Variants in CWC27 observed in about 807,000 individuals in gnomAD.
CWC27 encodes the protein spliceosome-associated protein CWC27 homolog.
A neutral mutation model predicts 63.6 loss-of-function variants in CWC27; 47 were observed. That is an observed-to-expected ratio of 0.74 (90% CI 0.58 to 0.94). The LOEUF (loss-of-function observed/expected upper bound fraction) is 0.94, where lower values mean the gene tolerates loss of function less well. Among genes scored for constraint, CWC27 ranks in the 40% least tolerant of loss-of-function variants. CWC27 has a pLI of 0.00. For synonymous variants in CWC27, 175 were observed against 179.8 expected, an observed-to-expected ratio of 0.97 and a Z score of 0.22; for missense variants, 495 against 554.3, an observed-to-expected ratio of 0.89 and a Z score of 1.07.
At chr5:64,824,728 C>CTTTTTTTTTTTTTTT (rs768576527) in intron 10 of CWC27, among the ~76,000 whole-genome samples, 2 of 91,984 alleles carry the variant, frequency 2.2e-5, no homozygotes, top group African/African-American at 4.4e-5. Context: ...TTTCTTTTCT[C>CTTTTTTTTTTTTTTT]TTTTTTTTTT....
chr5:64,937,847 A>G (rs1285940694), intron 11 of CWC27, among the ~76,000 whole-genome samples: 1 of 149,982 alleles, frequency 6.7e-6, no homozygotes, highest in East Asian at 1.9e-4. Context: ...CCATTATATA[A>G]TGCCCTTCTT....
intron 10 of CWC27, among the ~76,000 whole-genome samples, chr5:64,840,360 AT>A (rs144426140): frequency 0.21 from 8,686 of 40,626 alleles, 1,710 homozygotes; most frequent in East Asian, 0.34. Flanking sequence ...ATCCTTTTTC[AT>A]TAAAAAAAAA....
intron 11 of CWC27, among the ~76,000 whole-genome samples, chr5:64,937,921 C>CTTTTTTTTTTTTTT (rs1211082437): frequency 3.0e-5 from 3 of 99,320 alleles, no homozygotes; most frequent in African/African-American, 1.3e-4. Flanking sequence ...GCAATCTCTG[C>CTTTTTTTTTTTTTT]TTTTTTTTTT....
At chr5:64,825,140 A>G (rs1243737239) in intron 10 of CWC27, among the ~76,000 whole-genome samples, 1 of 152,202 alleles carries the variant, frequency 6.6e-6, no homozygotes, top group Non-Finnish European at 1.5e-5. Context: ...ATGTTTTCCC[A>G]AAAGCTACAG....
At chr5:64,795,005 C>T (rs140562452) in intron 7 of CWC27, among the ~76,000 whole-genome samples, 19 of 152,258 alleles carry the variant, frequency 1.2e-4, no homozygotes, top group African/African-American at 4.3e-4. Context: ...TCCTACAAGA[C>T]GTAGTAACAT....
chr5:64,965,535 G>A (rs1370256663), intron 11 of CWC27, among the ~76,000 whole-genome samples: 2 of 152,164 alleles, frequency 1.3e-5, no homozygotes, highest in African/African-American at 2.4e-5. Context: ...ATAAACAGGG[G>A]TAGATGGAAA....
At chr5:64,901,682 C>T (rs749371732) in intron 11 of CWC27, among the ~76,000 whole-genome samples, 1 of 152,016 alleles carries the variant, frequency 6.6e-6, no homozygotes, top group Admixed American at 6.6e-5. Context: ...ATAACAACTT[C>T]GGCTTACTGT....
At chr5:64,832,012 C>T (rs977016768) in intron 10 of CWC27, among the ~76,000 whole-genome samples, 10 of 151,744 alleles carry the variant, frequency 6.6e-5, no homozygotes, top group African/African-American at 2.4e-4. Flanking sequence ...TGTGGTTATT[C>T]TTTTTTTAAT....
chr5:64,950,880 C>CAT (rs1748693372), intron 11 of CWC27, among the ~76,000 whole-genome samples: 1 of 152,044 alleles, frequency 6.6e-6, no homozygotes, highest in East Asian at 1.9e-4. Context: ...TGAATGGTGT[C>CAT]ATACAATGTG....
At chr5:64,999,875 A>G (rs1749700935) in intron 13 of CWC27, among the ~76,000 whole-genome samples, 1 of 152,056 alleles carries the variant, frequency 6.6e-6, no homozygotes, top group African/African-American at 2.4e-5. Context: ...GCTGGGTCAT[A>G]TGGTAGCTCT....
intron 11 of CWC27, among the ~76,000 whole-genome samples, chr5:64,942,971 G>T (rs1020557993): frequency 2.0e-5 from 3 of 152,138 alleles, no homozygotes; most frequent in Admixed American, 1.3e-4. Flanking sequence ...AATGATATCT[G>T]CTAAAATGAA....
chr5:64,918,918 G>A (rs6885916), intron 11 of CWC27, among the ~76,000 whole-genome samples: 4,108 of 152,144 alleles, frequency 0.027, 156 homozygotes, highest in African/African-American at 0.084. Context: ...CCATTCTTCC[G>A]GAGTTTATAA....
intron 11 of CWC27, among the ~76,000 whole-genome samples, chr5:64,937,487 T>C (rs1353529347): frequency 6.6e-6 from 1 of 152,218 alleles, no homozygotes; most frequent in Non-Finnish European, 1.5e-5. Flanking sequence ...TTCTTTTGCA[T>C]TTGCTGAGGA....
At chr5:64,893,674 C>T (rs1191023401) in intron 11 of CWC27, among the ~76,000 whole-genome samples, 1 of 152,044 alleles carries the variant, frequency 6.6e-6, no homozygotes, top group East Asian at 1.9e-4. Context: ...TAACAAGATG[C>T]CCAAATACTG....
At chr5:65,012,745 G>T (rs1028348987) in intron 13 of CWC27, among the ~76,000 whole-genome samples, 1 of 152,152 alleles carries the variant, frequency 6.6e-6, no homozygotes, top group Non-Finnish European at 1.5e-5. Flanking sequence ...TGAGTAGTTT[G>T]TCATTAGGAA....
At chr5:64,995,134 G>C (rs553706339) in intron 13 of CWC27, among the ~76,000 whole-genome samples, 1 of 151,636 alleles carries the variant, frequency 6.6e-6, no homozygotes, top group African/African-American at 2.4e-5. Context: ...ACCACACCCA[G>C]CTAATTTTTG....
intron 4 of CWC27, among the ~76,000 whole-genome samples, chr5:64,784,702 GTGT>G (rs1231969001): frequency 6.6e-6 from 1 of 152,190 alleles, no homozygotes; most frequent in African/African-American, 2.4e-5. Flanking sequence ...TGGAAAGCTG[GTGT>G]TGTTTTAAAA....
chr5:64,872,770 C>T (rs1026426852), intron 10 of CWC27, among the ~76,000 whole-genome samples: 2 of 152,088 alleles, frequency 1.3e-5, no homozygotes, highest in Non-Finnish European at 2.9e-5. Context: ...AAATCCTGAT[C>T]GACATCATTC....
At chr5:64,798,170 T>G (rs950801422) in intron 7 of CWC27, among the ~76,000 whole-genome samples, 1 of 152,210 alleles carries the variant, frequency 6.6e-6, no homozygotes, top group Non-Finnish European at 1.5e-5. Flanking sequence ...ACTGTACACT[T>G]TTGCAGATAA....
Sources: gnomAD v4.1 joint callset for allele counts (sites outside exome capture counted in the v4.1 genomes callset) on GRCh38, gnomAD v4.1.1 for gene constraint, MANE v1.5 for transcripts, NCBI Gene and HGNC (gene_info 2026-07-23, HGNC 2026-07-21) for gene names.